CCDC178: variants seen among roughly 807,000 people sequenced by gnomAD.
CCDC178 encodes the protein coiled-coil domain containing 178, also known as coiled-coil domain-containing protein 178.
Under a neutral mutation model 117.4 loss-of-function variants are expected in CCDC178, and 126 were observed. The ratio of observed to expected loss-of-function variants is 1.07; its 90% CI spans 0.93 to 1.24. The LOEUF (loss-of-function observed/expected upper bound fraction) is 1.24, where lower values mean the gene tolerates loss of function less well. CCDC178 is among the 50% of genes most tolerant of loss of function. CCDC178 has a pLI of 0.00. For missense variants in CCDC178, 1,030 were observed against 986.9 expected (o/e 1.04, Z -0.59); for synonymous variants, 283 against 313.4 (o/e 0.90, Z 1.02).
intron 21 of CCDC178, among the ~76,000 whole-genome samples, chr18:33,035,769 A>ATCAT (rs2056432372): frequency 6.6e-6 from 1 of 152,022 alleles, no homozygotes; most frequent in Non-Finnish European, 1.5e-5. Flanking sequence ...AATATATCAA[A>ATCAT]TCATCACATT....
At chr18:33,251,151 T>A (rs1343637425) in intron 14 of CCDC178, among the ~76,000 whole-genome samples, 4 of 151,638 alleles carry the variant, frequency 2.6e-5, no homozygotes, top group African/African-American at 9.7e-5. Flanking sequence ...TAGAAAGAGA[T>A]GAGTTACAGG....
At chr18:32,996,836 A>G (rs918111821) in intron 21 of CCDC178, among the ~76,000 whole-genome samples, 1 of 152,246 alleles carries the variant, frequency 6.6e-6, no homozygotes, top group Non-Finnish European at 1.5e-5. Flanking sequence ...CAAAAAAGTG[A>G]CACATGTATT....
At chr18:33,395,471 G>A (rs534360076) in intron 4 of CCDC178, among the ~76,000 whole-genome samples, 4 of 152,020 alleles carry the variant, frequency 2.6e-5, no homozygotes, top group African/African-American at 9.6e-5. Flanking sequence ...TCAAGACACT[G>A]TAGAGACATT....
intron 11 of CCDC178, among the ~76,000 whole-genome samples, chr18:33,312,051 C>G (rs2062351279): frequency 6.6e-6 from 1 of 152,130 alleles, no homozygotes; most frequent in African/African-American, 2.4e-5. Context: ...TGCAATATCC[C>G]TATCATCTCT....
intron 22 of CCDC178, among the ~76,000 whole-genome samples, chr18:32,943,569 G>T (rs1374512626): frequency 6.6e-6 from 1 of 151,766 alleles, no homozygotes; most frequent in Non-Finnish European, 1.5e-5. Context: ...AAATTAATTA[G>T]CAGGAGTTTA....
rs148510384 is a variant in CCDC178, at chr18:33,346,264, A to G, written c.605T>C (p.Ile202Thr). The G allele has an allele frequency of 2.7e-5, 43 of 1,613,852 alleles. No individual in the cohort carries two copies. The highest frequency in any genetic ancestry group is 2.3e-4 in the Admixed American group (14 of 59,978). ...RSRKNMINMK[I>T]DSWSVWKLQE... ...AAGTTTCCAGACTGACCAAGAGTCA[A>G]TTTTCATGTTAATCATATTCTTTCT... Residue 202 changes from isoleucine (I) to threonine (T), a missense_variant, in exon 9 of 23, where the codon ATT becomes ACT. Transcript: ENST00000383096.
intron 20 of CCDC178, among the ~76,000 whole-genome samples, chr18:33,159,847 T>A (rs2058442207): frequency 6.6e-6 from 1 of 152,038 alleles, no homozygotes. Context: ...AATAAACAGG[T>A]TTTTAAATAC....
intron 22 of CCDC178, among the ~76,000 whole-genome samples, chr18:32,957,461 ATCTATAGGCATT>A (rs1320435984): frequency 1.3e-5 from 2 of 152,170 alleles, no homozygotes; most frequent in Non-Finnish European, 2.9e-5. Flanking sequence ...TGGGGGTAAC[ATCTATAGGCATT>A]TGTATCAGGG....
intron 21 of CCDC178, among the ~76,000 whole-genome samples, chr18:33,068,389 T>C (rs1193446550): frequency 1.3e-5 from 2 of 152,072 alleles, no homozygotes; most frequent in African/African-American, 2.4e-5. Context: ...CAAGCCAATA[T>C]CCCTGGTGAC....
chr18:32,958,212 C>G (rs780113048), intron 22 of CCDC178: 26 of 575,918 alleles, frequency 4.5e-5, no homozygotes, highest in African/African-American at 4.2e-4. Context: ...TTTTCCAAAT[C>G]ATACTGGTTC....
chr18:33,106,919 C>T (rs1487965293), intron 20 of CCDC178, among the ~76,000 whole-genome samples: 1 of 151,680 alleles, frequency 6.6e-6, no homozygotes, highest in African/African-American at 2.4e-5. Flanking sequence ...ATGCAGGCAG[C>T]TTGTAGAAGC....
chr18:33,284,376 C>T (rs1024921421), intron 12 of CCDC178, among the ~76,000 whole-genome samples: 4 of 152,066 alleles, frequency 2.6e-5, no homozygotes, highest in Non-Finnish European at 5.9e-5. Flanking sequence ...AACCTACACA[C>T]GTATCCCTGA....
At chr18:33,327,837 TAA>T (rs1347826069) in intron 10 of CCDC178, among the ~76,000 whole-genome samples, 2 of 152,134 alleles carry the variant, frequency 1.3e-5, no homozygotes, top group South Asian at 4.1e-4. Flanking sequence ...CTGTTTATTT[TAA>T]ATTTAGTTGT....
rs138291692 is a variant in CCDC178 at position 32,950,248 on chromosome 18, T to C, written c.2524-12157A>G. Reference sequence around the variant, plus strand: ...GTAAATCCTAGCTGCCTTATTCTCCTTGAACCCTTAGCTCCATTTACTCAA... The same window carrying C: ...GTAAATCCTAGCTGCCTTATTCTCCCTGAACCCTTAGCTCCATTTACTCAA... On this transcript the variant is annotated intron_variant, in intron 22 of 22. Transcript: ENST00000383096. 8.5e-5 allele frequency among the ~76,000 whole-genome samples: 13 copies of C among 152,242 alleles called. No individual in the cohort carries two copies. In the East Asian group the frequency reaches 2.5e-3, roughly 29 times the overall value.
chr18:32,981,811 T>A (rs994896935), intron 21 of CCDC178, among the ~76,000 whole-genome samples: 8 of 152,300 alleles, frequency 5.3e-5, no homozygotes, highest in Admixed American at 3.3e-4. Flanking sequence ...AGCTGCCTCA[T>A]AAAATTATTG....
chr18:33,403,004 T>C (rs761569018), intron 3 of CCDC178, among the ~76,000 whole-genome samples: 1 of 152,244 alleles, frequency 6.6e-6, no homozygotes. Context: ...AGTTGAGAAC[T>C]AGTGCAATAG....
At chr18:33,025,874 A>T (rs753403963) in intron 21 of CCDC178, among the ~76,000 whole-genome samples, 1 of 152,168 alleles carries the variant, frequency 6.6e-6, no homozygotes, top group Non-Finnish European at 1.5e-5. Context: ...ACTCTCAGGC[A>T]TTCGTCCCAG....
intron 12 of CCDC178, among the ~76,000 whole-genome samples, chr18:33,279,894 G>C (rs1424733932): frequency 6.6e-6 from 1 of 152,144 alleles, no homozygotes; most frequent in Non-Finnish European, 1.5e-5. Context: ...AAACTGGCTA[G>C]CCATATGTAG....
intron 21 of CCDC178, among the ~76,000 whole-genome samples, chr18:33,005,570 C>A (rs1456786876): frequency 6.6e-6 from 1 of 151,778 alleles, no homozygotes; most frequent in African/African-American, 2.4e-5. Flanking sequence ...TGACAACAGA[C>A]AACAATAACT....
Sources: gnomAD v4.1 joint callset for allele counts (sites outside exome capture counted in the v4.1 genomes callset) on GRCh38, gnomAD v4.1.1 for gene constraint, MANE v1.5 for transcripts, NCBI Gene and HGNC (gene_info 2026-07-23, HGNC 2026-07-21) for gene names.